PCDHGA3: variants seen among roughly 807,000 people sequenced by gnomAD.
PCDHGA3 encodes the protein protocadherin gamma subfamily A, 3.
In PCDHGA3, 40 loss-of-function variants were observed where a neutral mutation model predicts 58.5. That is an observed-to-expected ratio of 0.68 (90% confidence interval 0.53 to 0.89). PCDHGA3 has a LOEUF of 0.89. Among genes scored for constraint, PCDHGA3 ranks in the 40% least tolerant of loss-of-function variants. PCDHGA3 has a pLI of 0.00. For synonymous variants in PCDHGA3, 530 were observed against 525.7 expected, an observed-to-expected ratio of 1.01 and a Z score of -0.11; for missense variants, 1,223 against 1,195.9, an observed-to-expected ratio of 1.02 and a Z score of -0.33.
intron 1 of PCDHGA3, chr5:141,355,039 C>A: frequency 9.6e-7 from 1 of 1,045,502 alleles, no homozygotes; most frequent in Non-Finnish European, 1.3e-6. Context: ...AAGATTTCTG[C>A]AGCACAAAGC....
chr5:141,380,816 A>T (rs546532723), intron 1 of PCDHGA3, among the ~76,000 whole-genome samples: 1 of 152,256 alleles, frequency 6.6e-6, no homozygotes, highest in Non-Finnish European at 1.5e-5. Flanking sequence ...AGATGAAACT[A>T]TGAATTTTGA....
chr5:141,471,003 C>A (rs2099246040), intron 1 of PCDHGA3, among the ~76,000 whole-genome samples: 1 of 151,658 alleles, frequency 6.6e-6, no homozygotes, highest in East Asian at 1.9e-4. Flanking sequence ...AGGCATGAGC[C>A]ACTGTGCCTG....
chr5:141,359,914 T>C, intron 1 of PCDHGA3: 1 of 433,842 alleles, frequency 2.3e-6, no homozygotes. Context: ...TTAGTGCAGT[T>C]TCCTGAGAAA....
chr5:141,351,880 C>T (rs559827512), intron 1 of PCDHGA3: 6 of 1,613,356 alleles, frequency 3.7e-6, no homozygotes, highest in Non-Finnish European at 3.4e-6. Flanking sequence ...CGCTCAGCGC[C>T]AACGTGAGCC....
rs1239203203 is a variant in PCDHGA3 at position 141,403,933 on chromosome 5, G to T, written c.2424+57476G>T. 1.7e-5 allele frequency: 27 copies of T among 1,613,792 alleles called. No homozygotes were observed. The highest frequency in any genetic ancestry group is 1.6e-4 in the African/African-American group (12 of 74,902). ...TACAAGCTGAAGATGGTGGGGGATT[G>T]AAAGGGTGGACAAAAGTGCTCATTT... On this transcript the variant is annotated intron_variant, in intron 1 of 3. Transcript: ENST00000253812.
At chr5:141,457,532 T>C (rs2098923599) in intron 1 of PCDHGA3, among the ~76,000 whole-genome samples, 1 of 152,058 alleles carries the variant, frequency 6.6e-6, no homozygotes, top group Admixed American at 6.6e-5. Flanking sequence ...GAGACTAGGG[T>C]TTAATGACAA....
At chr5:141,505,552 T>C (rs920594597) in intron 3 of PCDHGA3, 71 bp downstream of exon 3, 8 of 1,608,230 alleles carry the variant, frequency 5.0e-6, no homozygotes, top group Non-Finnish European at 6.8e-6. Context: ...ACAGCCACCA[T>C]GCCCACGGAC....
intron 1 of PCDHGA3, chr5:141,375,805 C>T: frequency 6.2e-7 from 1 of 1,614,214 alleles, no homozygotes; most frequent in South Asian, 1.1e-5. Flanking sequence ...GTTCCACTGG[C>T]GTGGAGCTGG....
intron 1 of PCDHGA3, among the ~76,000 whole-genome samples, chr5:141,460,536 G>A (rs911670681): frequency 2.0e-5 from 3 of 152,092 alleles, no homozygotes; most frequent in African/African-American, 7.2e-5. Flanking sequence ...AATAATCTTA[G>A]CACCTTAATC....
intron 1 of PCDHGA3, chr5:141,423,965 T>C (rs911812056): frequency 8.1e-5 from 94 of 1,162,030 alleles, no homozygotes; most frequent in Admixed American, 1.3e-4. Context: ...TATTTTTCTA[T>C]TATCAGTGTA....
rs1419985074 is a variant in PCDHGA3, at chr5:141,431,009, T to C, written c.2425-63798T>C. On this transcript the variant is annotated intron_variant, in intron 1 of 3. Transcript: ENST00000253812. The surrounding 1 kb of genome is among the most constrained non-coding windows in gnomAD (Gnocchi z 4.8). ...CGCCCTGAATCCGCGCAGCGGCAGC[T>C]TGGTCACGGCGGGCAGGATAGACCG... The C allele has an allele frequency of 3.7e-6, 6 of 1,613,884 alleles. No individual in the cohort carries two copies. Among genetic ancestry groups the C allele is most frequent in the Non-Finnish European group, 5.1e-6 (6 of 1,179,984 alleles).
intron 1 of PCDHGA3, among the ~76,000 whole-genome samples, chr5:141,468,198 G>A (rs992118435): frequency 9.2e-5 from 14 of 151,854 alleles, no homozygotes; most frequent in Admixed American, 7.2e-4. Context: ...GGTGGCGGGT[G>A]CCTGTAATTC....
chr5:141,372,387 G>A (rs771030632), intron 1 of PCDHGA3: 1 of 1,614,016 alleles, frequency 6.2e-7, no homozygotes, highest in East Asian at 2.2e-5. Flanking sequence ...CCTAATCTTC[G>A]CAGATAGCTT....
At chr5:141,360,432 G>C in intron 1 of PCDHGA3, 1 of 1,613,994 alleles carries the variant, frequency 6.2e-7, no homozygotes, top group Non-Finnish European at 8.5e-7. Flanking sequence ...GCGGGAAGCA[G>C]CCTCTGTGTG....
intron 1 of PCDHGA3, chr5:141,478,565 T>C (rs772519746): frequency 1.6e-5 from 25 of 1,593,862 alleles, no homozygotes; most frequent in Non-Finnish European, 2.0e-5. Flanking sequence ...TAGCAAGTCA[T>C]GCTTGACCCT....
At position 141,485,731 on chromosome 5, in the gene PCDHGA3, C is replaced by G; in HGVS notation, c.2425-9076C>G. 6.2e-7 allele frequency: 1 copy of G among 1,614,152 alleles called. No homozygotes were observed. Among genetic ancestry groups the G allele is most frequent in the Non-Finnish European group, 8.5e-7 (1 of 1,180,022 alleles). ...TTGCACTGGATGTGAAGAAGCGCAG[C>G]GACGGCAGCCTGGTCCCAGAGCTGC... On this transcript the variant is annotated intron_variant, in intron 1 of 3. Transcript: ENST00000253812. The surrounding 1 kb of genome is among the most constrained non-coding windows in gnomAD (Gnocchi z 5.7).
intron 1 of PCDHGA3, chr5:141,423,466 G>C (rs770939556): frequency 1.2e-6 from 2 of 1,613,904 alleles, no homozygotes; most frequent in Admixed American, 3.3e-5. Context: ...CGTGGACGGG[G>C]TACAGGCTTT....
rs1427052612 is a variant in PCDHGA3 at position 141,493,002 on chromosome 5, A to G, written c.2425-1805A>G. Among the ~76,000 whole-genome samples, 4 of 152,246 alleles carry G rather than the reference A, an allele frequency of 2.6e-5. No individual in the cohort carries two copies. The highest frequency in any genetic ancestry group is 2.1e-4 in the South Asian group (1 of 4,832). On this transcript the variant is annotated intron_variant, in intron 1 of 3. Transcript: ENST00000253812. This position sits in a 1 kb window ranked among gnomAD's most constrained non-coding sequence, Gnocchi z 4.3. ...TCTCCTCTGGCAGATGGAAAGCTAT[A>G]GGCTCTGCCAGATGCCAGGGTGCCC... is the stretch of plus-strand genomic sequence containing the variant.
At chr5:141,359,259 T>C (rs1761158931) in intron 1 of PCDHGA3, among the ~76,000 whole-genome samples, 1 of 152,094 alleles carries the variant, frequency 6.6e-6, no homozygotes, top group African/African-American at 2.4e-5. Flanking sequence ...CCATAAAATA[T>C]AATTTGGAAA....
Sources: allele counts gnomAD v4.1 joint callset (sites outside exome capture counted in the v4.1 genomes callset), GRCh38; gene constraint gnomAD v4.1.1; non-coding constraint Gnocchi (gnomAD v3.1); transcripts MANE v1.5; gene names NCBI Gene and HGNC (gene_info 2026-07-23, HGNC 2026-07-21).